CLSTN2: variants seen among roughly 807,000 people sequenced by gnomAD.
CLSTN2 encodes the protein calsyntenin 2.
In CLSTN2, 48 loss-of-function variants were observed where a neutral mutation model predicts 101.2. The ratio of observed to expected loss-of-function variants is 0.47; its 90% CI spans 0.38 to 0.60. The LOEUF is 0.60. CLSTN2 is among the 20% of genes least tolerant of loss of function. The probability of loss-of-function intolerance (pLI) is 0.00; values close to 1 mark genes in which losing one functional copy is unlikely to be tolerated. For synonymous variants in CLSTN2, 481 were observed against 463.6 expected (o/e 1.04, Z -0.48); for missense variants, 1,160 against 1,238.2 (o/e 0.94, Z 0.95).
At chr3:140,309,941 A>C (rs1053822581) in intron 2 of CLSTN2, among the ~76,000 whole-genome samples, 1 of 152,080 alleles carries the variant, frequency 6.6e-6, no homozygotes, top group Non-Finnish European at 1.5e-5. Context: ...CAGGACTGAC[A>C]TTTCTCACCG....
intron 8 of CLSTN2, among the ~76,000 whole-genome samples, chr3:140,479,338 A>G (rs1213916833): frequency 2.0e-5 from 3 of 152,242 alleles, no homozygotes; most frequent in African/African-American, 7.2e-5. Context: ...GGATAAAACC[A>G]AAACTTCTAC....
chr3:139,935,470 C>A lies in CLSTN2; in HGVS notation c.96C>A (p.Leu32=). The change falls in exon 1 of 17, where the codon CTC becomes CTA. Residue 32 remains leucine, a synonymous_variant. Coordinates refer to ENST00000458420, the MANE Select transcript of CLSTN2 (RefSeq NM_022131.3). This position sits in a 1 kb window ranked among gnomAD's most constrained non-coding sequence, Gnocchi z 5.5. ...GCGGGGACAGCCGGCAGCGCCGCCT[C>A]CTCGCGGCTAAAGGTGGGTGCTGGG... ...GGGGDSRQRR[L]LAAKVNKHKP... is the part of the protein sequence containing the mutation. The A allele has an allele frequency of 8.1e-7, 1 of 1,230,424 alleles. No homozygotes were observed. Among genetic ancestry groups the A allele is most frequent in the Non-Finnish European group, 1.0e-6 (1 of 986,008 alleles). The allele number at this position is 1,230,424 out of a possible 1,614,324, so 76.2% of individuals were successfully genotyped here.
chr3:140,484,350 C>T (rs1576592927), intron 8 of CLSTN2, among the ~76,000 whole-genome samples: 1 of 152,308 alleles, frequency 6.6e-6, no homozygotes, highest in Non-Finnish European at 1.5e-5. Context: ...GTCTGATGGG[C>T]TTCCCTTTGT....
chr3:140,305,983 G>A (rs745717089), intron 2 of CLSTN2, among the ~76,000 whole-genome samples: 10 of 151,888 alleles, frequency 6.6e-5, no homozygotes, highest in Non-Finnish European at 1.0e-4. Context: ...TGAAATCTCC[G>A]TCTCTTTACT....
chr3:140,174,448 C>T (rs1050830617), intron 1 of CLSTN2, among the ~76,000 whole-genome samples: 2 of 152,208 alleles, frequency 1.3e-5, no homozygotes, highest in Admixed American at 6.5e-5. Flanking sequence ...GTTCCAACCT[C>T]TGCCTGTTTC....
At chr3:140,558,498 ATGTC>A in intron 11 of CLSTN2, 138 bp from the exon 12 acceptor site, 1 of 600,758 alleles carries the variant, frequency 1.7e-6, no homozygotes, top group Non-Finnish European at 2.9e-6. Flanking sequence ...TTAAATTTGA[ATGTC>A]TGTTGACATC....
At chr3:140,557,715 G>C (rs1935826651) in intron 11 of CLSTN2, among the ~76,000 whole-genome samples, 1 of 152,176 alleles carries the variant, frequency 6.6e-6, no homozygotes, top group African/African-American at 2.4e-5. Flanking sequence ...CCCAAGGCAT[G>C]TAAGGTGATG....
chr3:140,315,554 T>G (rs1468848587), intron 2 of CLSTN2, among the ~76,000 whole-genome samples: 2 of 152,254 alleles, frequency 1.3e-5, no homozygotes, highest in African/African-American at 4.8e-5. Context: ...GTGGCTTTTC[T>G]GCCTTCCACG....
intron 1 of CLSTN2, among the ~76,000 whole-genome samples, chr3:140,084,507 C>A (rs1322727923): frequency 6.6e-6 from 1 of 152,162 alleles, no homozygotes; most frequent in African/African-American, 2.4e-5. Context: ...AGCTGACTGA[C>A]AAAATCTAAT....
intron 1 of CLSTN2, among the ~76,000 whole-genome samples, chr3:140,149,857 G>A (rs1316385): frequency 1.8e-3 from 272 of 152,176 alleles, no homozygotes; most frequent in African/African-American, 6.5e-3. Context: ...CGGGTGTCCT[G>A]TATTTTTATT....
intron 2 of CLSTN2, among the ~76,000 whole-genome samples, chr3:140,327,254 A>G (rs1043898428): frequency 2.0e-5 from 3 of 152,232 alleles, no homozygotes; most frequent in Non-Finnish European, 2.9e-5. Context: ...CTGATGCTCA[A>G]CTGTGCACTA....
intron 2 of CLSTN2, among the ~76,000 whole-genome samples, chr3:140,402,646 G>A (rs35899953): frequency 0.074 from 11,244 of 152,252 alleles, 505 homozygotes; most frequent in Middle Eastern, 0.11. Flanking sequence ...ATGATGCACC[G>A]TAGGTACCTT....
At chr3:140,104,919 A>G (rs1272101145) in intron 1 of CLSTN2, among the ~76,000 whole-genome samples, 1 of 152,252 alleles carries the variant, frequency 6.6e-6, no homozygotes, top group Non-Finnish European at 1.5e-5. Context: ...CGGAGGTTGC[A>G]GTGAGCAGAG....
At chr3:140,511,230 G>A in intron 8 of CLSTN2, among the ~76,000 whole-genome samples, 1 of 152,088 alleles carries the variant, frequency 6.6e-6, no homozygotes, top group East Asian at 1.9e-4. Flanking sequence ...AGTATTCCAT[G>A]GTGTATACGT....
chr3:140,344,323 G>A (rs1460989121), intron 2 of CLSTN2, among the ~76,000 whole-genome samples: 2 of 152,144 alleles, frequency 1.3e-5, no homozygotes, highest in African/African-American at 4.8e-5. Context: ...CAGAGGACAG[G>A]GCTGACTGCA....
In CLSTN2 at chr3:140,459,676, G is replaced by T. The variant is rs930814390; in HGVS notation, c.1129G>T (p.Asp377Tyr). 7 of 1,614,112 alleles carry T rather than the reference G, an allele frequency of 4.3e-6. No individual in the cohort carries two copies. Among genetic ancestry groups the T allele is most frequent in the Non-Finnish European group, 5.9e-6 (7 of 1,180,006 alleles). The change falls in exon 7 of 17, where the codon GAT becomes TAT. Residue 377 changes from aspartate (D) to tyrosine (Y), a missense_variant. Transcript: ENST00000458420. ...TGGGATTGTGCCCAAGAACCTGACCGATCAGTTCACCATCACCATGTGGAT... is the reference window on the plus strand; with the variant it reads ...TGGGATTGTGCCCAAGAACCTGACCTATCAGTTCACCATCACCATGTGGAT... ...PDGIVPKNLTDQFTITMWMKH... is the reference protein window; with the variant it reads ...PDGIVPKNLTYQFTITMWMKH...
chr3:140,421,649 A>C (rs2088507462), intron 5 of CLSTN2, among the ~76,000 whole-genome samples: 1 of 152,144 alleles, frequency 6.6e-6, no homozygotes, highest in Non-Finnish European at 1.5e-5. Context: ...TCACGGATCA[A>C]CACCTGGGGA....
At chr3:140,467,393 G>A (rs758905536) in intron 8 of CLSTN2, among the ~76,000 whole-genome samples, 10 of 152,332 alleles carry the variant, frequency 6.6e-5, no homozygotes, top group Non-Finnish European at 1.2e-4. Flanking sequence ...ATCAGGAAGC[G>A]TCTGTGTAGC....
intron 9 of CLSTN2, among the ~76,000 whole-genome samples, chr3:140,545,825 A>G (rs1935573285): frequency 6.6e-6 from 1 of 152,182 alleles, no homozygotes; most frequent in African/African-American, 2.4e-5. Flanking sequence ...AAAGCAGGCA[A>G]TGAGAGGAAA....
Sources: gnomAD v4.1 joint callset for allele counts (sites outside exome capture counted in the v4.1 genomes callset) on GRCh38, gnomAD v4.1.1 for gene constraint, Gnocchi (gnomAD v3.1) non-coding constraint, MANE v1.5 for transcripts, NCBI Gene and HGNC (gene_info 2026-07-23, HGNC 2026-07-21) for gene names.